The following PHACTR3 variants were observed in gnomAD, a reference collection of about 807,000 sequenced individuals.
The protein encoded by PHACTR3 is protein phosphatase 1, regulatory subunit 123.
In PHACTR3, 16 loss-of-function variants were observed where a neutral mutation model predicts 66.8. The observed-to-expected ratio is 0.24, with a 90% CI of 0.16 to 0.36. The LOEUF (loss-of-function observed/expected upper bound fraction) is 0.36. Among genes scored for constraint, PHACTR3 ranks in the 10% least tolerant of loss-of-function variants. The pLI is 1.00. For missense variants in PHACTR3, 647 were observed against 719.9 expected (o/e 0.90, Z 1.16); for synonymous variants, 323 against 292.1 (o/e 1.11, Z -1.08).
At chr20:59,721,849 A>C (rs1036306683) in intron 1 of PHACTR3, among the ~76,000 whole-genome samples, 1 of 151,290 alleles carries the variant, frequency 6.6e-6, no homozygotes, top group Non-Finnish European at 1.5e-5. Flanking sequence ...AAACAGACAA[A>C]GTCCCCGTTC....
chr20:59,755,797 C>A (rs996271755), intron 4 of PHACTR3, among the ~76,000 whole-genome samples: 1 of 152,166 alleles, frequency 6.6e-6, no homozygotes, highest in African/African-American at 2.4e-5. Flanking sequence ...GCCTCTTGGC[C>A]TAAGAGATGC....
In PHACTR3 at chr20:59,674,121, TC is replaced by T. The variant is rs576293940; in HGVS notation, c.119-68984del. On this transcript the variant is annotated intron_variant, in intron 1 of 12. Transcript: ENST00000371015. ...CGGGAGCCAGCCTCGGCTGTCAGTG[TC>T]CTGGGCTGGTTCCCTCCCACCTCCC... Among the ~76,000 whole-genome samples, 219 of 152,256 alleles carry T rather than the reference TC, an allele frequency of 1.4e-3. 3 individuals are homozygous for T. Among genetic ancestry groups the T allele is most frequent in the African/African-American group, 5.1e-3 (212 of 41,532 alleles).
chr20:59,795,290 G>T (rs763976930), intron 7 of PHACTR3, among the ~76,000 whole-genome samples: 1 of 151,828 alleles, frequency 6.6e-6, no homozygotes, highest in Non-Finnish European at 1.5e-5. Flanking sequence ...TATTTGAAAA[G>T]TTTCTGAAGT....
At chr20:59,709,481 G>A (rs541695579) in intron 1 of PHACTR3, among the ~76,000 whole-genome samples, 411 of 152,000 alleles carry the variant, frequency 2.7e-3, no homozygotes, top group African/African-American at 9.6e-3. Context: ...AGAAGCCAGG[G>A]TTTTTTTTCC....
chr20:59,708,880 C>T (rs2037813573), intron 1 of PHACTR3, among the ~76,000 whole-genome samples: 1 of 152,222 alleles, frequency 6.6e-6, no homozygotes, highest in Non-Finnish European at 1.5e-5. Flanking sequence ...CCCTGAAGTT[C>T]TCCCATGCAA....
chr20:59,713,382 C>T (rs2037975439), intron 1 of PHACTR3, among the ~76,000 whole-genome samples: 1 of 152,188 alleles, frequency 6.6e-6, no homozygotes, highest in Admixed American at 6.5e-5. Flanking sequence ...ATGACCCTCA[C>T]ATAACAAAGC....
chr20:59,639,255 G>A (rs904701133), intron 1 of PHACTR3, among the ~76,000 whole-genome samples: 1 of 152,172 alleles, frequency 6.6e-6, no homozygotes. Context: ...GTCATTTGAA[G>A]AGGAAACAAA....
At chr20:59,800,436 A>G (rs2041377552) in intron 7 of PHACTR3, among the ~76,000 whole-genome samples, 1 of 151,974 alleles carries the variant, frequency 6.6e-6, no homozygotes, top group Non-Finnish European at 1.5e-5. Flanking sequence ...TGGAATTCCG[A>G]GTTGTCTGGG....
intron 5 of PHACTR3, among the ~76,000 whole-genome samples, chr20:59,770,897 C>T (rs1206334767): frequency 2.0e-5 from 3 of 152,234 alleles, no homozygotes; most frequent in Non-Finnish European, 4.4e-5. Context: ...GGGAGTCCCA[C>T]AGCCTCTGCC....
At chr20:59,685,182 G>T in intron 1 of PHACTR3, among the ~76,000 whole-genome samples, 1 of 152,190 alleles carries the variant, frequency 6.6e-6, no homozygotes, top group Non-Finnish European at 1.5e-5. Flanking sequence ...CTGCCCTGCA[G>T]TGCTGTGGCC....
rs145724526 is a variant in PHACTR3, at chr20:59,774,475, G to A, written c.1159G>A (p.Asp387Asn). The A allele has an allele frequency of 2.1e-4, 336 of 1,613,456 alleles. No individual in the cohort carries two copies. Among genetic ancestry groups the A allele is most frequent in the Non-Finnish European group, 2.8e-4 (328 of 1,179,738 alleles). The stretch of plus-strand genomic sequence containing the variant: ...GTATCAGGACGAGGAGGCGCTGAAC[G>A]ACTCCATTATTTCTGGTGAGGAAAG... ...LLYQDEEALN[D>N]SIISGTLPRK... Residue 387 changes from aspartate (D) to asparagine (N), a missense_variant, in exon 7 of 13, where the codon GAC becomes AAC. Physicochemically the swap from Asp to Asn is conservative, Grantham distance 23. Around this residue, in one of 2 missense-constraint regions of PHACTR3, gnomAD observed 577 missense variants for 571.1 expected, o/e 1.01. Coordinates refer to ENST00000371015, the MANE Select transcript of PHACTR3 (RefSeq NM_080672.5).
At chr20:59,670,452 G>T (rs1410574672) in intron 1 of PHACTR3, among the ~76,000 whole-genome samples, 1 of 152,192 alleles carries the variant, frequency 6.6e-6, no homozygotes, top group Non-Finnish European at 1.5e-5. Context: ...CTCACAGGGT[G>T]CAGTCGTCCC....
At chr20:59,839,774 C>T (rs1021376214) in intron 9 of PHACTR3, among the ~76,000 whole-genome samples, 1 of 152,106 alleles carries the variant, frequency 6.6e-6, no homozygotes, top group Non-Finnish European at 1.5e-5. Context: ...ACAGTGTTCA[C>T]GCTTCAGCAA....
chr20:59,605,561 C>T (rs967056677), intron 1 of PHACTR3, among the ~76,000 whole-genome samples: 2 of 152,200 alleles, frequency 1.3e-5, no homozygotes, highest in Admixed American at 1.3e-4. Context: ...GGCAGCGCTC[C>T]GCAGCTGAGG....
intron 7 of PHACTR3, among the ~76,000 whole-genome samples, chr20:59,788,529 C>T (rs1448455250): frequency 4.6e-5 from 7 of 152,178 alleles, no homozygotes; most frequent in Admixed American, 2.6e-4. Flanking sequence ...TTCCCTGACC[C>T]GCCCCTAAAG....
At chr20:59,577,702 T>G in intron 1 of PHACTR3, 1 of 930,846 alleles carries the variant, frequency 1.1e-6, no homozygotes, top group Non-Finnish European at 1.4e-6. Flanking sequence ...CGACTCCTCC[T>G]GAATCCCTTG....
chr20:59,739,242 G>A (rs1338376139), intron 1 of PHACTR3, among the ~76,000 whole-genome samples: 1 of 152,104 alleles, frequency 6.6e-6, no homozygotes, highest in Non-Finnish European at 1.5e-5. Context: ...GGTTTGCAGA[G>A]CCCAGAATGT....
chr20:59,825,074 C>T (rs1470207771), intron 8 of PHACTR3, among the ~76,000 whole-genome samples: 1 of 152,222 alleles, frequency 6.6e-6, no homozygotes, highest in Non-Finnish European at 1.5e-5. Context: ...TTTGCTGTGC[C>T]AGCTTGAGAG....
At chr20:59,655,814 T>C (rs1256768044) in intron 1 of PHACTR3, among the ~76,000 whole-genome samples, 1 of 151,872 alleles carries the variant, frequency 6.6e-6, no homozygotes, top group African/African-American at 2.4e-5. Flanking sequence ...TTTCTGTGAC[T>C]CTGTTTCATA....
Sources: allele counts gnomAD v4.1 joint callset (sites outside exome capture counted in the v4.1 genomes callset), GRCh38; gene constraint gnomAD v4.1.1; regional missense constraint gnomAD v4.1.1; transcripts MANE v1.5; gene names NCBI Gene and HGNC (gene_info 2026-07-23, HGNC 2026-07-21).